Variants in PAQR5 observed in about 807,000 individuals in gnomAD.
The protein encoded by PAQR5 is membrane progestin receptor gamma.
Under a neutral mutation model 34.5 loss-of-function variants are expected in PAQR5, and 20 were observed. The ratio of observed to expected loss-of-function variants is 0.58; its 90% CI spans 0.41 to 0.84. The LOEUF (loss-of-function observed/expected upper bound fraction) is 0.84. PAQR5 is among the 40% of genes least tolerant of loss of function. The pLI is 0.00. For synonymous variants in PAQR5, 131 were observed against 155.6 expected (o/e 0.84, Z 1.18); for missense variants, 378 against 412.7 (o/e 0.92, Z 0.73).
chr15:69,382,659 CATATATATAT>C (rs59064870), intron 4 of PAQR5, among the ~76,000 whole-genome samples: 2,059 of 91,128 alleles, frequency 0.023, 172 homozygotes, highest in African/African-American at 0.058. Context: ...AAAAAAAAAG[CATATATATAT>C]ATATATATAT....
chr15:69,402,884 G>A (rs2056677667), intron 8 of PAQR5, among the ~76,000 whole-genome samples: 2 of 152,176 alleles, frequency 1.3e-5, no homozygotes, highest in African/African-American at 4.8e-5. Flanking sequence ...CACCCAGCAC[G>A]TCCCTGTCCC....
chr15:69,387,617 G>GGACAGTGAGGCACTGTGGAGGTAAGTGAC (rs2056148219), intron 5 of PAQR5, among the ~76,000 whole-genome samples: 1 of 152,200 alleles, frequency 6.6e-6, no homozygotes, highest in Non-Finnish European at 1.5e-5. Context: ...GCGTAGGTGA[G>GGACAGTGAGGCACTGTGGAGGTAAGTGAC]GACAGTGAGG....
At position 69,380,164 on chromosome 15, in the gene PAQR5, A is replaced by G. The variant is rs557196989; in HGVS notation, c.179+154A>G. 2.0e-4 allele frequency: 151 copies of G among 769,668 alleles called. No homozygotes were observed. The African/African-American group carries it at 2.4e-3, about 12-fold the overall frequency. The allele number at this position is 769,668 out of a possible 1,614,324, so 47.7% of individuals were successfully genotyped here. ...CGCGGGTGAAGGGAGTGTGTGACAG[A>G]GGGAAGAGACATTGGGTGTGCCACT... On this transcript the variant is annotated intron_variant, in intron 4 of 8. Coordinates refer to ENST00000395407, the MANE Select transcript of PAQR5 (RefSeq NM_017705.4).
chr15:69,394,234 T>C (rs1301185253), intron 6 of PAQR5, among the ~76,000 whole-genome samples: 1 of 151,116 alleles, frequency 6.6e-6, no homozygotes, highest in Admixed American at 6.6e-5. Context: ...AGGCAGTTGC[T>C]GAGGCAGTTC....
At chr15:69,379,440 C>T (rs989894798) in intron 3 of PAQR5, 39 of 985,262 alleles carry the variant, frequency 4.0e-5, no homozygotes, top group Non-Finnish European at 4.3e-5. Flanking sequence ...ATCCTGGCAC[C>T]GGGGGCATCT....
rs2056706734 is a variant in PAQR5, at chr15:69,403,758, T to A, written c.929T>A (p.Ile310Lys). Residue 310 changes from isoleucine (I) to lysine (K), a missense_variant, in exon 9 of 9, where the codon ATA becomes AAA. Coordinates refer to ENST00000395407, the MANE Select transcript of PAQR5 (RefSeq NM_017705.4). ...LLCIIFSLSNIIYFSAALYRI... is the reference protein window; with the variant it reads ...LLCIIFSLSNKIYFSAALYRI... ...TGCATCATCTTCAGCCTCAGCAACA[T>A]AATTTATTTCTCAGCTGCTCTGTAT... The A allele has an allele frequency of 6.2e-7, 1 of 1,614,062 alleles. No homozygotes were observed. Among genetic ancestry groups the A allele is most frequent in the Admixed American group, 1.7e-5 (1 of 60,020 alleles).
At chr15:69,363,449 G>A (rs2055294188) in intron 3 of PAQR5, among the ~76,000 whole-genome samples, 1 of 151,692 alleles carries the variant, frequency 6.6e-6, no homozygotes, top group African/African-American at 2.4e-5. Flanking sequence ...AAACAGAGAG[G>A]CCTAGAAAAA....
rs954743088 is a variant in PAQR5, at chr15:69,326,094, T to C, written c.-276-11247T>C. On this transcript the variant is annotated intron_variant, in intron 1 of 8. Coordinates refer to ENST00000395407, the MANE Select transcript of PAQR5 (RefSeq NM_017705.4). ...AATCAAACTCAACTTGTCTGAAAAC[T>C]GTCCTGGTTTTCCTCACTTTCTTCA... is the stretch of plus-strand genomic sequence containing the variant. 2.0e-5 allele frequency among the ~76,000 whole-genome samples: 3 copies of C among 152,200 alleles called. No individual in the cohort carries two copies. The East Asian group carries it at 5.8e-4, about 29-fold the overall frequency.
chr15:69,377,790 A>G (rs927991621), intron 3 of PAQR5, among the ~76,000 whole-genome samples: 9 of 152,118 alleles, frequency 5.9e-5, no homozygotes, highest in African/African-American at 2.2e-4. Context: ...GCAGCCCCTC[A>G]CCTTCTGCAC....
chr15:69,367,297 T>C (rs1330932068), intron 3 of PAQR5, among the ~76,000 whole-genome samples: 3 of 152,340 alleles, frequency 2.0e-5, no homozygotes, highest in African/African-American at 7.2e-5. Context: ...ATGCTATTTT[T>C]CCCTTCCACC....
intron 6 of PAQR5, chr15:69,391,723 G>T: frequency 2.2e-6 from 1 of 455,754 alleles, no homozygotes; most frequent in South Asian, 1.6e-5. Flanking sequence ...GGTTGAGGGG[G>T]CAGAGGAGGA....
Position 69,300,947 on chromosome 15 carries a change from CCTTCTTTCTTTCTTTCT to C in PAQR5, c.-277+1892_-277+1908del, listed in dbSNP as rs1566986776. ...TCTCTCTCTCTCTCTCTCTTTCTTT[CCTTCTTTCTTTCTTTCT>C]TTCTTTCTTTCTTTCTTTCTTTCTT... On this transcript the variant is annotated intron_variant, in intron 1 of 8. Transcript: ENST00000395407. Among the ~76,000 whole-genome samples, 7 of 45,606 alleles carry C rather than the reference CCTTCTTTCTTTCTTTCT, an allele frequency of 1.5e-4. 2 individuals are homozygous for C. The highest frequency in any genetic ancestry group is 2.4e-4 in the Non-Finnish European group (5 of 21,050). The allele number at this position is 45,606 out of a possible 152,430, so 29.9% of individuals were successfully genotyped here. A position where few individuals can be genotyped will look rare whatever the true frequency, so the allele number is the denominator to read the frequency against.
rs747746172 is a variant in PAQR5 at position 69,400,048 on chromosome 15, C to T, written c.684C>T (p.Leu228=). The T allele has an allele frequency of 1.7e-5, 27 of 1,614,114 alleles. 1 individual carries two copies. In the South Asian group the frequency reaches 2.7e-4, roughly 16 times the overall value. The change falls in exon 8 of 9, where the codon CTC becomes CTT. Residue 228 remains leucine (L), a synonymous_variant. Transcript: ENST00000395407. ...ACCAGAAGCACATGATCATGACCCT[C>T]CTGGCCTCTTTCTTGTACTCTGCAC... ...SYHQKHMIMT[L]LASFLYSAHL... is the part of the protein sequence containing the mutation.
chr15:69,359,121 G>A (rs1007402265), intron 2 of PAQR5, among the ~76,000 whole-genome samples: 8 of 152,158 alleles, frequency 5.3e-5, no homozygotes, highest in African/African-American at 1.7e-4. Flanking sequence ...TTCACATGGT[G>A]GAAGGGGCGA....
chr15:69,339,176 C>CAA (rs1555415750), intron 2 of PAQR5, among the ~76,000 whole-genome samples: 2 of 146,566 alleles, frequency 1.4e-5, no homozygotes, highest in Non-Finnish European at 3.1e-5. Flanking sequence ...CTACACCCCC[C>CAA]ACCCCGCCAC....
rs534175160 is a variant in PAQR5, at chr15:69,364,337, G to A, written c.51+4206G>A. Among the ~76,000 whole-genome samples, 17 of 151,450 alleles carry A rather than the reference G, an allele frequency of 1.1e-4. No homozygotes were observed. In the South Asian group the frequency reaches 3.1e-3, roughly 28 times the overall value. Reference sequence around the variant, plus strand: ...TTAAAATATGATAGAAGCAGGGCTCGGTGGGTCACACCTGTAATCCTAGCA... The same window carrying A: ...TTAAAATATGATAGAAGCAGGGCTCAGTGGGTCACACCTGTAATCCTAGCA... On this transcript the variant is annotated intron_variant, in intron 3 of 8. Transcript: ENST00000395407.
chr15:69,352,711 A>G (rs2054953296), intron 2 of PAQR5, among the ~76,000 whole-genome samples: 1 of 152,194 alleles, frequency 6.6e-6, no homozygotes, highest in South Asian at 2.1e-4. Flanking sequence ...CAGAAATTCG[A>G]GCAGGGCACC....
chr15:69,393,563 C>T (rs952793419), intron 6 of PAQR5, among the ~76,000 whole-genome samples: 1 of 152,128 alleles, frequency 6.6e-6, no homozygotes, highest in African/African-American at 2.4e-5. Flanking sequence ...GTGTCTTCTC[C>T]AAGCTTCCTT....
intron 1 of PAQR5, among the ~76,000 whole-genome samples, chr15:69,303,651 G>A (rs1235495534): frequency 1.3e-5 from 2 of 151,822 alleles, no homozygotes; most frequent in Non-Finnish European, 2.9e-5. Flanking sequence ...GAAGTCCAAA[G>A]CCAGGCTCCA....
Sources: allele counts gnomAD v4.1 joint callset (sites outside exome capture counted in the v4.1 genomes callset), GRCh38; gene constraint gnomAD v4.1.1; transcripts MANE v1.5; gene names NCBI Gene and HGNC (gene_info 2026-07-23, HGNC 2026-07-21).